The following NXPH1 variants were observed in gnomAD, a reference collection of about 807,000 sequenced individuals.
NXPH1 encodes the protein neurexophilin-1.
Under a neutral mutation model 23.7 loss-of-function variants are expected in NXPH1, and 5 were observed. The observed-to-expected ratio is 0.21, with a 90% CI of 0.11 to 0.44. The LOEUF (loss-of-function observed/expected upper bound fraction) is 0.44, where lower values mean the gene tolerates loss of function less well. NXPH1 is among the 20% of genes least tolerant of loss of function. The probability of loss-of-function intolerance (pLI) is 0.99; values close to 1 mark genes in which losing one functional copy is unlikely to be tolerated. For synonymous variants in NXPH1, 144 were observed against 122.2 expected (o/e 1.18, Z -1.18); for missense variants, 324 against 321.6 (o/e 1.01, Z -0.06).
intron 2 of NXPH1, among the ~76,000 whole-genome samples, chr7:8,745,899 C>T (rs977671627): frequency 3.9e-5 from 6 of 151,946 alleles, no homozygotes; most frequent in East Asian, 1.9e-4. Flanking sequence ...CTCCTCTGGC[C>T]CATGCACTAG....
At chr7:8,561,644 T>G (rs1323169286) in intron 2 of NXPH1, among the ~76,000 whole-genome samples, 1 of 151,660 alleles carries the variant, frequency 6.6e-6, no homozygotes, top group Non-Finnish European at 1.5e-5. Flanking sequence ...CTGACTTTTC[T>G]GCTAGACTAG....
At position 8,604,751 on chromosome 7, in the gene NXPH1, G is replaced by A. The variant is rs117708794; in HGVS notation, c.55-146257G>A. On this transcript the variant is annotated intron_variant, in intron 2 of 2. Coordinates refer to ENST00000405863, the MANE Select transcript of NXPH1 (RefSeq NM_152745.3). ...CCAATATGGTACTAGACTACTAGTGGCAATAGCATAAACAAATACCAGTTT... is the reference window on the plus strand; with the variant it reads ...CCAATATGGTACTAGACTACTAGTGACAATAGCATAAACAAATACCAGTTT... Among the ~76,000 whole-genome samples the A allele has an allele frequency of 2.8e-4, 42 of 152,170 alleles. No individual in the cohort carries two copies. In the East Asian group the frequency reaches 6.9e-3, roughly 25 times the overall value.
intron 2 of NXPH1, among the ~76,000 whole-genome samples, chr7:8,675,404 C>T (rs1438845510): frequency 6.6e-6 from 1 of 151,968 alleles, no homozygotes; most frequent in Non-Finnish European, 1.5e-5. Context: ...ATATTTGAGA[C>T]CAGAATTGAT....
chr7:8,708,864 C>T (rs1368070910), intron 2 of NXPH1, among the ~76,000 whole-genome samples: 3 of 152,140 alleles, frequency 2.0e-5, no homozygotes, highest in Admixed American at 6.5e-5. Flanking sequence ...CGAGCAATGC[C>T]GACAATACCC....
At chr7:8,645,896 A>G (rs561226170) in intron 2 of NXPH1, among the ~76,000 whole-genome samples, 4 of 151,988 alleles carry the variant, frequency 2.6e-5, no homozygotes, top group African/African-American at 7.2e-5. Context: ...TCTTTGTTTC[A>G]TTTGTCTCTG....
intron 2 of NXPH1, among the ~76,000 whole-genome samples, chr7:8,486,211 C>G (rs1817157429): frequency 6.6e-6 from 1 of 152,178 alleles, no homozygotes; most frequent in Admixed American, 6.5e-5. Context: ...ACAGAATTCC[C>G]TTCAGCCACA....
At chr7:8,630,335 G>T (rs115346794) in intron 2 of NXPH1, among the ~76,000 whole-genome samples, 165 of 152,136 alleles carry the variant, frequency 1.1e-3, no homozygotes, top group African/African-American at 3.9e-3. Flanking sequence ...GTTTTATAAT[G>T]TCTCACTATT....
At chr7:8,602,273 T>G (rs868325261) in intron 2 of NXPH1, among the ~76,000 whole-genome samples, 1 of 152,232 alleles carries the variant, frequency 6.6e-6, no homozygotes, top group African/African-American at 2.4e-5. Flanking sequence ...CAAATTTTTC[T>G]TCCTTCATTA....
chr7:8,700,214 A>G (rs1380132615), intron 2 of NXPH1, among the ~76,000 whole-genome samples: 1 of 152,178 alleles, frequency 6.6e-6, no homozygotes, highest in Admixed American at 6.6e-5. Context: ...AATGTTATTT[A>G]ACAAGCATAA....
At position 8,450,491 on chromosome 7, in the gene NXPH1, T is replaced by C. The variant is rs151096197; in HGVS notation, c.54+14724T>C. Among the ~76,000 whole-genome samples, 357 of 152,366 alleles carry C rather than the reference T, an allele frequency of 2.3e-3. 5 individuals carry two copies. The highest frequency in any genetic ancestry group is 8.2e-3 in the African/African-American group (340 of 41,588). On this transcript the variant is annotated intron_variant, in intron 2 of 2. Coordinates refer to ENST00000405863, the MANE Select transcript of NXPH1 (RefSeq NM_152745.3). The stretch of plus-strand genomic sequence containing the variant: ...ATGAAGTAGAAAACTTCCTTGACAA[T>C]ATTTTATAGAATTATTCAGTCTATG...
chr7:8,582,533 C>G (rs1048280503), intron 2 of NXPH1, among the ~76,000 whole-genome samples: 23 of 152,104 alleles, frequency 1.5e-4, no homozygotes, highest in African/African-American at 5.3e-4. Context: ...GAGAGGAGAC[C>G]TGCAGTGGGT....
At chr7:8,482,951 A>G (rs1002956138) in intron 2 of NXPH1, among the ~76,000 whole-genome samples, 3 of 152,210 alleles carry the variant, frequency 2.0e-5, no homozygotes, top group African/African-American at 7.2e-5. Context: ...AATAAACGAA[A>G]TATCTTCTCT....
intron 2 of NXPH1, among the ~76,000 whole-genome samples, chr7:8,502,851 C>T (rs1043977004): frequency 1.7e-4 from 26 of 151,700 alleles, no homozygotes; most frequent in African/African-American, 5.6e-4. Context: ...ATGGGCTGGG[C>T]CTCCGAATGT....
At chr7:8,636,989 T>A (rs2115139234) in intron 2 of NXPH1, among the ~76,000 whole-genome samples, 1 of 152,296 alleles carries the variant, frequency 6.6e-6, no homozygotes, top group East Asian at 1.9e-4. Context: ...ATAACCTACT[T>A]TAAGCAGCCT....
intron 2 of NXPH1, among the ~76,000 whole-genome samples, chr7:8,527,218 G>T (rs1464180394): frequency 6.6e-6 from 1 of 152,174 alleles, no homozygotes; most frequent in Non-Finnish European, 1.5e-5. Flanking sequence ...GGAGATTCTG[G>T]TTCACGCTAT....
intron 2 of NXPH1, among the ~76,000 whole-genome samples, chr7:8,644,883 C>T (rs773324982): frequency 2.6e-5 from 4 of 152,228 alleles, no homozygotes; most frequent in Non-Finnish European, 5.9e-5. Flanking sequence ...ATGTTTATCT[C>T]CCCAAACAGT....
chr7:8,720,745 T>G (rs1029842702), intron 2 of NXPH1, among the ~76,000 whole-genome samples: 16 of 152,224 alleles, frequency 1.1e-4, no homozygotes, highest in African/African-American at 3.4e-4. Flanking sequence ...AATATTTTAC[T>G]CTCTGCAACT....
At chr7:8,691,903 G>C (rs898934101) in intron 2 of NXPH1, among the ~76,000 whole-genome samples, 4 of 152,138 alleles carry the variant, frequency 2.6e-5, no homozygotes, top group African/African-American at 7.2e-5. Flanking sequence ...CAGAGTTGCT[G>C]CCTTCTAGGT....
chr7:8,734,236 A>ACTGTTTTGGTACCACTACCATG (rs1780206789), intron 2 of NXPH1, among the ~76,000 whole-genome samples: 1 of 151,928 alleles, frequency 6.6e-6, no homozygotes, highest in African/African-American at 2.4e-5. Context: ...GGTTTATATA[A>ACTGTTTTGGTACCACTACCATG]CTGTTTTGGT....
Sources: allele counts gnomAD v4.1 joint callset (sites outside exome capture counted in the v4.1 genomes callset), GRCh38; gene constraint gnomAD v4.1.1; transcripts MANE v1.5; gene names NCBI Gene and HGNC (gene_info 2026-07-23, HGNC 2026-07-21).